EIF4G3: variants seen among roughly 807,000 people sequenced by gnomAD.
EIF4G3 encodes eukaryotic translation initiation factor 4 gamma 3.
In EIF4G3, 34 loss-of-function variants were observed where a neutral mutation model predicts 186.4. The observed-to-expected ratio is 0.18, with a 90% confidence interval of 0.14 to 0.24. EIF4G3 has a LOEUF of 0.24. Among genes scored for constraint, EIF4G3 ranks in the 10% least tolerant of loss-of-function variants. The pLI is 1.00. For synonymous variants in EIF4G3, 673 were observed against 679.5 expected, an observed-to-expected ratio of 0.99 and a Z score of 0.15; for missense variants, 1,536 against 1,948.5, an observed-to-expected ratio of 0.79 and a Z score of 3.99.
chr1:20,855,777 A>C (rs941007676), intron 25 of EIF4G3, among the ~76,000 whole-genome samples: 1 of 152,232 alleles, frequency 6.6e-6, no homozygotes, highest in Non-Finnish European at 1.5e-5. Flanking sequence ...CTTTCACACA[A>C]ACCACTCCCA....
At chr1:21,041,625 G>A (rs2093585798) in intron 4 of EIF4G3, among the ~76,000 whole-genome samples, 1 of 152,194 alleles carries the variant, frequency 6.6e-6, no homozygotes, top group Non-Finnish European at 1.5e-5. Flanking sequence ...TGTAGTACTT[G>A]AAACTGGAGA....
At chr1:21,170,646 G>A (rs954209237) in intron 2 of EIF4G3, among the ~76,000 whole-genome samples, 1 of 152,078 alleles carries the variant, frequency 6.6e-6, no homozygotes. Flanking sequence ...ACTCCAGCCT[G>A]GGCGACAGAG....
chr1:21,080,671 G>A (rs992726438), intron 3 of EIF4G3, among the ~76,000 whole-genome samples: 9 of 151,844 alleles, frequency 5.9e-5, no homozygotes, highest in African/African-American at 4.8e-5. Flanking sequence ...CACCATGCCC[G>A]GCTAATTTTT....
At chr1:21,162,571 G>C (rs575182631) in intron 2 of EIF4G3, among the ~76,000 whole-genome samples, 1 of 152,092 alleles carries the variant, frequency 6.6e-6, no homozygotes, top group South Asian at 2.1e-4. Context: ...CCGAAACCCT[G>C]TCTTTACTAA....
At chr1:20,891,704 G>A (rs1349279094) in intron 18 of EIF4G3, among the ~76,000 whole-genome samples, 1 of 151,228 alleles carries the variant, frequency 6.6e-6, no homozygotes, top group Non-Finnish European at 1.5e-5. Flanking sequence ...GGAGAATGGC[G>A]TGAACCTAGG....
intron 3 of EIF4G3, among the ~76,000 whole-genome samples, chr1:21,067,131 C>CTTTTTTT (rs1392802757): frequency 1.8e-4 from 22 of 122,632 alleles, no homozygotes; most frequent in Non-Finnish European, 2.4e-4. Flanking sequence ...TTTTTCTTTT[C>CTTTTTTT]TTTTTTTTTT....
Position 20,866,538 on chromosome 1 carries a change from T to C in EIF4G3, c.2623-1276A>G, listed in dbSNP as rs556097785. 3.3e-5 allele frequency among the ~76,000 whole-genome samples: 5 copies of C among 152,252 alleles called. No individual in the cohort carries two copies. In the South Asian group the frequency reaches 6.2e-4, roughly 19 times the overall value. ...TAGGCTACATAAATGCAAGCAACTA[T>C]AGATAATTTCACAGTCAGGCCTATT... On this transcript the variant is annotated intron_variant, in intron 20 of 36. Transcript: ENST00000602326.
At chr1:20,849,594 A>G in intron 28 of EIF4G3, 64 bp from the exon 29 acceptor site, 3 of 689,046 alleles carry the variant, frequency 4.4e-6, no homozygotes, top group Non-Finnish European at 4.7e-6. Flanking sequence ...TAGTGAGATT[A>G]TGGTTGACAA....
At chr1:21,060,525 A>C (rs754434201) in intron 3 of EIF4G3, among the ~76,000 whole-genome samples, 1 of 152,226 alleles carries the variant, frequency 6.6e-6, no homozygotes, top group Non-Finnish European at 1.5e-5. Flanking sequence ...TAAAAGCAGG[A>C]GTGTGAAAAG....
At chr1:21,030,677 G>C (rs186431472) in intron 4 of EIF4G3, among the ~76,000 whole-genome samples, 1 of 152,242 alleles carries the variant, frequency 6.6e-6, no homozygotes, top group East Asian at 1.9e-4. Context: ...AAATTTTCTA[G>C]GTCACCAGAT....
intron 2 of EIF4G3, among the ~76,000 whole-genome samples, chr1:21,110,300 C>CT (rs1003890007): frequency 0.033 from 4,825 of 144,396 alleles, 246 homozygotes; most frequent in African/African-American, 0.11. Flanking sequence ...AACGTTTTCT[C>CT]TTTTTTTTTT....
intron 3 of EIF4G3, among the ~76,000 whole-genome samples, chr1:21,083,182 G>A (rs1274660011): frequency 6.6e-6 from 1 of 151,418 alleles, no homozygotes; most frequent in Non-Finnish European, 1.5e-5. Flanking sequence ...TCAAGGCTTC[G>A]ATGAGCTGTA....
chr1:20,880,844 C>A (rs1446161608), intron 19 of EIF4G3, among the ~76,000 whole-genome samples: 1 of 152,124 alleles, frequency 6.6e-6, no homozygotes, highest in Non-Finnish European at 1.5e-5. Flanking sequence ...ATATCATGTT[C>A]TTGTATTAGA....
chr1:21,021,060 G>A (rs1024213484), intron 4 of EIF4G3, among the ~76,000 whole-genome samples: 1 of 151,804 alleles, frequency 6.6e-6, no homozygotes, highest in Admixed American at 6.6e-5. Context: ...CTTTGTTCAC[G>A]GCAACCTTCA....
chr1:20,893,448 C>T, intron 18 of EIF4G3, 69 bp downstream of exon 18: 2 of 1,469,638 alleles, frequency 1.4e-6, no homozygotes, highest in Non-Finnish European at 1.8e-6. Flanking sequence ...GCTGTCTTGC[C>T]ATGAGGTAGG....
At position 20,823,089 on chromosome 1, in the gene EIF4G3, C is replaced by T. The variant is rs565796908; in HGVS notation, c.4368+2011G>A. Among the ~76,000 whole-genome samples the T allele has an allele frequency of 9.4e-4, 143 of 152,050 alleles. 1 individual carries two copies. The highest frequency in any genetic ancestry group is 3.2e-3 in the African/African-American group (133 of 41,440). ...GTAATGTGCTTCTTCTTCCCAGCTTCTTTAAAATCTTTCATCTGTCTTTGG... is the reference window on the plus strand; with the variant it reads ...GTAATGTGCTTCTTCTTCCCAGCTTTTTTAAAATCTTTCATCTGTCTTTGG... On this transcript the variant is annotated intron_variant, in intron 33 of 36. Coordinates refer to ENST00000602326, the MANE Select transcript of EIF4G3 (RefSeq NM_001391906.1).
Position 21,089,317 on chromosome 1 carries a change from A to G in EIF4G3, c.-271-104T>C, listed in dbSNP as rs1205851168. The G allele has an allele frequency of 4.5e-6, 3 of 667,472 alleles. No homozygotes were observed. In the African/African-American group the frequency reaches 5.4e-5, roughly 12 times the overall value. The allele number at this position is 667,472 out of a possible 1,614,324, so 41.3% of individuals were successfully genotyped here. On this transcript the variant is annotated intron_variant, in intron 2 of 36. Transcript: ENST00000602326. ...ACCAACGACCTAAGCATTTTCACCC[A>G]ATTAGTGAGTTATATACTTCTCCAC...
Position 20,946,449 on chromosome 1 carries a change from A to T in EIF4G3, c.823+3554T>A, listed in dbSNP as rs539099048. ...GTTGTTCTCTCTACAAACCAATGTG[A>T]AGTATTCCCTATGTCTTCATAAGGT... On this transcript the variant is annotated intron_variant, in intron 13 of 36. Coordinates refer to ENST00000602326, the MANE Select transcript of EIF4G3 (RefSeq NM_001391906.1). Among the ~76,000 whole-genome samples the T allele has an allele frequency of 6.6e-5, 10 of 152,356 alleles. No homozygotes were observed. The South Asian group carries it at 2.1e-3, about 32-fold the overall frequency.
At chr1:20,980,657 T>C (rs532448127) in intron 9 of EIF4G3, among the ~76,000 whole-genome samples, 8 of 152,216 alleles carry the variant, frequency 5.3e-5, no homozygotes, top group African/African-American at 1.9e-4. Flanking sequence ...AGGTGCAGCT[T>C]AGTAAAGCCA....
Sources: gnomAD v4.1 joint callset for allele counts (sites outside exome capture counted in the v4.1 genomes callset) on GRCh38, gnomAD v4.1.1 for gene constraint, MANE v1.5 for transcripts, NCBI Gene and HGNC (gene_info 2026-07-23, HGNC 2026-07-21) for gene names.